The following NHSL2 variants were observed in gnomAD, a reference collection of about 807,000 sequenced individuals.
NHSL2 encodes the protein NHS like 2.
Under a neutral mutation model 53.4 loss-of-function variants are expected in NHSL2, and 27 were observed. The observed-to-expected ratio is 0.51, with a 90% confidence interval of 0.37 to 0.70. NHSL2 has a LOEUF of 0.70. NHSL2 is among the 30% of genes least tolerant of loss of function. The pLI is 0.00. For missense variants in NHSL2, 892 were observed against 980.1 expected, an observed-to-expected ratio of 0.91 and a Z score of 1.20; for synonymous variants, 408 against 404.1, an observed-to-expected ratio of 1.01 and a Z score of -0.12.
chrX:72,105,636 CCCTT>C (rs1300458773), intron 1 of NHSL2, among the ~76,000 whole-genome samples: 3 of 111,305 alleles, frequency 2.7e-5, no homozygotes, highest in Non-Finnish European at 5.7e-5. Flanking sequence ...TCACATCCCT[CCCTT>C]CCTTCTGGGG....
Position 72,147,840 on chromosome X carries a change from C to A in NHSL2, c.*4266C>A, listed in dbSNP as rs1274446551. 2 of 112,224 alleles carry A rather than the reference C, an allele frequency of 1.8e-5. No individual in the cohort carries two copies. The highest frequency in any genetic ancestry group is 3.8e-5 in the Non-Finnish European group (2 of 53,263). The allele number at this position is 112,224 out of a possible 1,213,427, so 9.2% of individuals were successfully genotyped here. On this transcript the variant is annotated 3_prime_UTR_variant, in exon 8 of 8. Transcript: ENST00000633930. The stretch of plus-strand genomic sequence containing the variant: ...TTGAGATTATAAGGCTTAATGCTAC[C>A]TCTTTTGAGGGTCAGTTGCATTTTA...
At chrX:72,044,008 G>T (rs930063646) in intron 1 of NHSL2, among the ~76,000 whole-genome samples, 3 of 112,027 alleles carry the variant, frequency 2.7e-5, no homozygotes, top group South Asian at 3.7e-4. Context: ...AATGAAGCTT[G>T]GTCCCTGTCC....
intron 1 of NHSL2, among the ~76,000 whole-genome samples, chrX:72,122,338 C>T (rs759322197): frequency 3.6e-5 from 4 of 112,253 alleles, no homozygotes; most frequent in Admixed American, 9.4e-5. Context: ...TCAGGAGAAA[C>T]TTTCTGTGCC....
intron 5 of NHSL2, among the ~76,000 whole-genome samples, chrX:72,137,435 G>C (rs963835425): frequency 8.9e-6 from 1 of 112,477 alleles, no homozygotes; most frequent in African/African-American, 3.2e-5. Flanking sequence ...TAGGTCTTCC[G>C]GGCTAATGAA....
In NHSL2 at chrX:72,134,679, T is replaced by C. The variant is rs2042340359; in HGVS notation, c.735T>C (p.Ser245=). 1 of 1,165,277 alleles carries C rather than the reference T, an allele frequency of 8.6e-7. No homozygotes were observed. Among genetic ancestry groups the C allele is most frequent in the Admixed American group, 2.6e-5 (1 of 38,731 alleles). Residue 245 remains serine, a synonymous_variant, in exon 4 of 8, where the codon TCT becomes TCC. Transcript: ENST00000633930. ...KRWPQLCSTQ[S]DIVPINISGQ... ...GGCCTCAGCTTTGCTCCACGCAGTCTGACATTGTGCCCATCAACATCTCTG... is the reference window on the plus strand; with the variant it reads ...GGCCTCAGCTTTGCTCCACGCAGTCCGACATTGTGCCCATCAACATCTCTG...
At chrX:71,916,707 A>C (rs1316404090) in intron 1 of NHSL2, among the ~76,000 whole-genome samples, 1 of 112,276 alleles carries the variant, frequency 8.9e-6, no homozygotes, top group Non-Finnish European at 1.9e-5. Context: ...TTGGCGTCCA[A>C]AGATGGAATT....
chrX:72,002,060 T>C (rs937900755), intron 1 of NHSL2, among the ~76,000 whole-genome samples: 2 of 112,747 alleles, frequency 1.8e-5, no homozygotes, highest in Non-Finnish European at 3.7e-5. Flanking sequence ...TTCCATACAA[T>C]CTGGATTTCT....
intron 1 of NHSL2, among the ~76,000 whole-genome samples, chrX:71,950,520 G>A (rs1214216399): frequency 8.9e-6 from 1 of 112,604 alleles, no homozygotes; most frequent in African/African-American, 3.2e-5. Flanking sequence ...CCCAGTTCTA[G>A]CTGGAGTTTG....
intron 1 of NHSL2, among the ~76,000 whole-genome samples, chrX:71,934,463 T>C (rs1182537671): frequency 7.1e-5 from 8 of 112,411 alleles, no homozygotes; most frequent in Admixed American, 2.8e-4. Flanking sequence ...GCTGGAACTG[T>C]CCGATGTGGA....
chrX:72,070,700 G>A lies in NHSL2; in HGVS notation c.281-61379G>A, dbSNP rs2041695354. The stretch of plus-strand genomic sequence containing the variant: ...TCTGTGCCCTCCTCCCTCTGTCTTG[G>A]TGGAGTTCCCTCTCCTCCTTTGTCA... On this transcript the variant is annotated intron_variant, in intron 1 of 7. Coordinates refer to ENST00000633930, the MANE Select transcript of NHSL2 (RefSeq NM_001013627.3). Among the ~76,000 whole-genome samples, 3 of 108,196 alleles carry A rather than the reference G, an allele frequency of 2.8e-5. No homozygotes were observed. The South Asian group carries it at 1.3e-3, about 45-fold the overall frequency. 94.0% of individuals were successfully genotyped at this position (108,196 alleles called of 115,157 possible).
chrX:72,042,946 T>C (rs1337384572), intron 1 of NHSL2, among the ~76,000 whole-genome samples: 2 of 111,013 alleles, frequency 1.8e-5, no homozygotes, highest in African/African-American at 6.6e-5. Flanking sequence ...TCAGGTAGCT[T>C]TCCTGTTCAG....
intron 1 of NHSL2, among the ~76,000 whole-genome samples, chrX:71,957,306 C>T (rs1159768330): frequency 1.8e-5 from 2 of 112,223 alleles, no homozygotes; most frequent in East Asian, 5.6e-4. Flanking sequence ...GGTGTGAGCA[C>T]GTGCCCCAAC....
intron 1 of NHSL2, among the ~76,000 whole-genome samples, chrX:72,033,622 A>G (rs894824301): frequency 6.2e-5 from 7 of 112,649 alleles, no homozygotes; most frequent in Non-Finnish European, 7.5e-5. Context: ...AGTTTTACAC[A>G]TAAGTGTTTT....
intron 1 of NHSL2, among the ~76,000 whole-genome samples, chrX:72,064,883 C>T (rs1312613309): frequency 2.7e-5 from 3 of 111,545 alleles, no homozygotes; most frequent in East Asian, 5.7e-4. Context: ...GCCATTCTTC[C>T]CCAAACTCCA....
chrX:71,989,451 T>A (rs1291609898), intron 1 of NHSL2, among the ~76,000 whole-genome samples: 1 of 110,285 alleles, frequency 9.1e-6, no homozygotes, highest in African/African-American at 3.3e-5. Flanking sequence ...TCACATTTAA[T>A]CCTTATCGTA....
At chrX:71,975,986 A>T (rs939638735) in intron 1 of NHSL2, among the ~76,000 whole-genome samples, 1 of 111,296 alleles carries the variant, frequency 9.0e-6, no homozygotes, top group South Asian at 3.8e-4. Context: ...GCTAGATTTA[A>T]CTCCCCTATC....
intron 1 of NHSL2, among the ~76,000 whole-genome samples, chrX:71,942,972 C>CTCTGTGTGTG (rs1220648470): frequency 0.052 from 3,828 of 73,849 alleles, 157 homozygotes; most frequent in African/African-American, 0.095. Context: ...CTCTCTCTCT[C>CTCTGTGTGTG]TGTGTGTGTG....
rs766660111 is a variant in NHSL2, at chrX:71,916,236, G to C, written c.280+4869G>C. On this transcript the variant is annotated intron_variant, in intron 1 of 7. Transcript: ENST00000633930. Reference sequence around the variant, plus strand: ...ATTTTCTGTTATTCTAGTAGAGGCTGGTTGGCATTTCAGAAGGCACCTTTT... The same window carrying C: ...ATTTTCTGTTATTCTAGTAGAGGCTCGTTGGCATTTCAGAAGGCACCTTTT... 8.9e-5 allele frequency among the ~76,000 whole-genome samples: 10 copies of C among 111,748 alleles called. No individual in the cohort carries two copies. In the Admixed American group the frequency reaches 9.5e-4, roughly 11 times the overall value.
intron 1 of NHSL2, among the ~76,000 whole-genome samples, chrX:72,115,045 C>T (rs2042124788): frequency 9.0e-6 from 1 of 111,364 alleles, no homozygotes; most frequent in Non-Finnish European, 1.9e-5. Context: ...TATTATTGGC[C>T]TCATTTTGTT....
Sources: allele counts gnomAD v4.1 joint callset (sites outside exome capture counted in the v4.1 genomes callset), GRCh38; gene constraint gnomAD v4.1.1; transcripts MANE v1.5; gene names NCBI Gene and HGNC (gene_info 2026-07-23, HGNC 2026-07-21).